The following CBARP variants were observed in gnomAD, a reference collection of about 807,000 sequenced individuals.
CBARP encodes the protein CACN subunit beta associated regulatory protein.
Under a neutral mutation model 36.3 loss-of-function variants are expected in CBARP, and 24 were observed. That is an observed-to-expected ratio of 0.66 (90% CI 0.48 to 0.93). The LOEUF (loss-of-function observed/expected upper bound fraction) is 0.93, where lower values mean the gene tolerates loss of function less well. Among genes scored for constraint, CBARP ranks in the 40% least tolerant of loss-of-function variants. The pLI, the probability that CBARP is intolerant of heterozygous loss-of-function variation, is 0.00. For missense variants in CBARP, 1,146 were observed against 980.4 expected (o/e 1.17, Z -2.26); for synonymous variants, 586 against 453.2 (o/e 1.29, Z -3.72).
intron 1 of CBARP, among the ~76,000 whole-genome samples, chr19:1,236,798 TG>T (rs1460026548): frequency 2.0e-5 from 2 of 98,864 alleles, no homozygotes; most frequent in Non-Finnish European, 4.0e-5. Context: ...AGGCCGCGGC[TG>T]GGGGGGCGGG....
intron 8 of CBARP, 89 bp downstream of exon 8, chr19:1,233,325 CACCCAGCCCACA>C: frequency 1.6e-6 from 2 of 1,219,682 alleles, no homozygotes; most frequent in Non-Finnish European, 2.3e-6. Flanking sequence ...ACCGGCTCCC[CACCCAGCCCACA>C]ACCTCCTGCT....
intron 8 of CBARP, 140 bp from the exon 9 acceptor site, chr19:1,231,415 C>G (rs1375850382): frequency 2.4e-6 from 3 of 1,274,452 alleles, no homozygotes; most frequent in Non-Finnish European, 3.1e-6. Flanking sequence ...TGGACCCCCA[C>G]CACACACACA....
Position 1,229,337 on chromosome 19 carries a change from C to A in CBARP, c.1960G>T (p.Gly654Cys). 1 of 1,216,614 alleles carries A rather than the reference C, an allele frequency of 8.2e-7. No homozygotes were observed. The highest frequency in any genetic ancestry group is 2.9e-5 in the Admixed American group (1 of 34,192). 75.4% of individuals were successfully genotyped at this position (1,216,614 alleles called of 1,614,324 possible). The stretch of plus-strand genomic sequence containing the variant: ...GATGGTAGGACGCACAGGCCCGAGC[C>A]GGGGCACCCCCCGCCGCCCGGCTCC... ...EEEPGGGGCP[G>C]SGLCVLPSGS... The change falls in exon 10 of 10, where the codon GGC becomes TGC. Residue 654 changes from glycine (G) to cysteine (C), a missense_variant. Coordinates refer to ENST00000650044, the MANE Select transcript of CBARP (RefSeq NM_001393918.1). The surrounding 1 kb of genome is among the most constrained non-coding windows in gnomAD (Gnocchi z 5.1).
At chr19:1,230,697 G>A (rs2080878202) in intron 9 of CBARP, 2 of 1,282,230 alleles carry the variant, frequency 1.6e-6, no homozygotes, top group South Asian at 5.5e-5. Context: ...CTTGGGTTGG[G>A]GGAGGGGTGC....
Position 1,234,698 on chromosome 19 carries a change from C to T in CBARP, c.500G>A (p.Arg167Gln). ...EGDFHHLKNA[R>Q]LTHLHLPPLK... is the part of the protein sequence containing the mutation. ...GGGCGGCAGGTGCAGGTGCGTGAGC[C>T]GGGCATTCTTCAGGTGGTGGAAGTC... The change falls in exon 6 of 10, where the codon CGG becomes CAG. Residue 167 changes from arginine to glutamine, a missense_variant. Coordinates refer to ENST00000650044, the MANE Select transcript of CBARP (RefSeq NM_001393918.1). The T allele has an allele frequency of 1.2e-6, 2 of 1,613,118 alleles. No homozygotes were observed. Among genetic ancestry groups the T allele is most frequent in the Non-Finnish European group, 1.7e-6 (2 of 1,179,748 alleles).
intron 8 of CBARP, 139 bp from the exon 9 acceptor site, chr19:1,231,414 A>G (rs1257121480): frequency 3.9e-6 from 4 of 1,033,526 alleles, no homozygotes; most frequent in Non-Finnish European, 5.1e-6. Flanking sequence ...GTGGACCCCC[A>G]CCACACACAC....
At chr19:1,235,439 C>T (rs1599950459) in intron 4 of CBARP, 62 bp downstream of exon 4, 19 of 1,480,440 alleles carry the variant, frequency 1.3e-5, no homozygotes, top group African/African-American at 2.8e-5. Context: ...CCCGAGGGGG[C>T]GGCGGGTGGC....
Position 1,235,842 on chromosome 19 carries a change from AC to A in CBARP, c.181del (p.Val61TrpfsTer95). ...GAGGAGCAGGACGCCAGACAACACC[AC>A]CAGCGTGCCCCCCACGAACAGCGAC... ...VMSLFVGGTL[V>X]VLSGVLLLCK... On this transcript the variant is annotated frameshift_variant, in exon 3 of 10. Transcript: ENST00000650044. LOFTEE classifies it high-confidence loss of function. The A allele has an allele frequency of 6.2e-7, 1 of 1,611,424 alleles. No individual in the cohort carries two copies. Among genetic ancestry groups the A allele is most frequent in the Non-Finnish European group, 8.5e-7 (1 of 1,179,906 alleles).
At position 1,235,571 on chromosome 19, in the gene CBARP, A is replaced by G. The variant is rs2080957809; in HGVS notation, c.246-6T>C. 1 of 1,607,478 alleles carries G rather than the reference A, an allele frequency of 6.2e-7. No homozygotes were observed. Among genetic ancestry groups the G allele is most frequent in the African/African-American group, 1.3e-5 (1 of 74,854 alleles). On this transcript the variant is annotated splice_polypyrimidine_tract_variant and splice_region_variant and intron_variant, in intron 3 of 9. Coordinates refer to ENST00000650044, the MANE Select transcript of CBARP (RefSeq NM_001393918.1). ...TCTCCGCTTCCTCCATGGCCCTGGG[A>G]GAGACGTTGGGAGAGCCCAGTGGCA...
rs1037045535 is a variant in CBARP at position 1,235,901 on chromosome 19, G to C, written c.123C>G (p.Ile41Met). The change falls in exon 3 of 10, where the codon ATC becomes ATG. Residue 41 changes from isoleucine (I) to methionine (M), a missense_variant. Coordinates refer to ENST00000650044, the MANE Select transcript of CBARP (RefSeq NM_001393918.1). ...TGRPTAEPDP[I>M]LDNYVLLVVV... is the part of the protein sequence containing the mutation. ...CCACCAGCAGCACGTAGTTGTCCAGGATGGGGTCTGGCTCTGCCTGCGGGT... is the reference window on the plus strand; with the variant it reads ...CCACCAGCAGCACGTAGTTGTCCAGCATGGGGTCTGGCTCTGCCTGCGGGT... The C allele has an allele frequency of 6.2e-7, 1 of 1,612,082 alleles. No homozygotes were observed. Among genetic ancestry groups the C allele is most frequent in the African/African-American group, 1.3e-5 (1 of 75,064 alleles).
At chr19:1,235,441 G>A (rs796076956) in intron 4 of CBARP, 60 bp downstream of exon 4, 2 of 1,490,724 alleles carry the variant, frequency 1.3e-6, no homozygotes, top group South Asian at 1.3e-5. Context: ...CGAGGGGGCG[G>A]CGGGTGGCCG....
chr19:1,235,771 C>T lies in CBARP; in HGVS notation c.245+8G>A. On this transcript the variant is annotated splice_region_variant and intron_variant, in intron 3 of 9. Coordinates refer to ENST00000650044, the MANE Select transcript of CBARP (RefSeq NM_001393918.1). Reference sequence around the variant, plus strand: ...TGCACCTGCCCAGCCGAGGTGGGGGCCTCGCACCTGTTGAGGCGCTGGTGG... The same window carrying T: ...TGCACCTGCCCAGCCGAGGTGGGGGTCTCGCACCTGTTGAGGCGCTGGTGG... 1 of 1,606,708 alleles carries T rather than the reference C, an allele frequency of 6.2e-7. No homozygotes were observed. The highest frequency in any genetic ancestry group is 8.5e-7 in the Non-Finnish European group (1 of 1,179,798).
chr19:1,233,125 C>T (rs2080915636), intron 8 of CBARP, among the ~76,000 whole-genome samples: 1 of 152,234 alleles, frequency 6.6e-6, no homozygotes, highest in South Asian at 2.1e-4. Context: ...CCCCGACACC[C>T]TCCTTTACCA....
chr19:1,234,479 AG>A, intron 6 of CBARP, 91 bp downstream of exon 6: 1 of 1,389,346 alleles, frequency 7.2e-7, no homozygotes, highest in Middle Eastern at 2.6e-4. Flanking sequence ...AGGGCCACCC[AG>A]AAAAAGAGTG....
In CBARP at chr19:1,229,381, GC is replaced by G; in HGVS notation, c.1915del (p.Ala639ProfsTer189). On this transcript the variant is annotated frameshift_variant, in exon 10 of 10. Coordinates refer to ENST00000650044, the MANE Select transcript of CBARP (RefSeq NM_001393918.1). LOFTEE classifies it low-confidence loss of function (END_TRUNC). The surrounding 1 kb of genome is among the most constrained non-coding windows in gnomAD (Gnocchi z 5.1). ...RTLGGAGDDPAIPVIEEEPGG... is the reference protein window; with the variant it reads ...RTLGGAGDDPXIPVIEEEPGG... ...CGGCTCCTCCTCGATGACGGGGATGGCGGGGTCGTCGCCGGCGCCGCCCAGG... is the reference window on the plus strand; with the variant it reads ...CGGCTCCTCCTCGATGACGGGGATGGGGGGTCGTCGCCGGCGCCGCCCAGG... 1 of 1,141,726 alleles carries G rather than the reference GC, an allele frequency of 8.8e-7. No individual in the cohort carries two copies. The highest frequency in any genetic ancestry group is 1.1e-6 in the Non-Finnish European group (1 of 913,944). The allele number at this position is 1,141,726 out of a possible 1,614,324, so 70.7% of individuals were successfully genotyped here.
At position 1,230,715 on chromosome 19, in the gene CBARP, C is replaced by T. The variant is rs547361500; in HGVS notation, c.1154+386G>A. ...GGGTTGGGGGAGGGGTGCTGCTGGC[C>T]GGAGTGGTCACAGCAGCTTCTGAGA... On this transcript the variant is annotated intron_variant, in intron 9 of 9. Transcript: ENST00000650044. The T allele has an allele frequency of 1.0e-5, 13 of 1,283,516 alleles. No individual in the cohort carries two copies. The African/African-American group carries it at 1.7e-4, about 17-fold the overall frequency. 79.5% of individuals were successfully genotyped at this position (1,283,516 alleles called of 1,614,324 possible).
chr19:1,233,288 A>C (rs531130779), intron 8 of CBARP, 138 bp downstream of exon 8: 3 of 899,350 alleles, frequency 3.3e-6, no homozygotes, highest in Admixed American at 2.9e-5. Context: ...GCCCGCTGGC[A>C]GACTGGGCAG....
chr19:1,237,576 C>A (rs1316104151), intron 1 of CBARP, among the ~76,000 whole-genome samples, 180 bp downstream of exon 1: 1 of 151,328 alleles, frequency 6.6e-6, no homozygotes, highest in Admixed American at 6.6e-5. Flanking sequence ...GAGGCTGGGG[C>A]GGGGCCTGAG....
rs1599948618 is a variant in CBARP, at chr19:1,234,675, G to A, written c.523C>T (p.Pro175Ser). Residue 175 changes from proline to serine, a missense_variant, in exon 6 of 10, where the codon CCC (proline) becomes TCC (serine). By Grantham distance (74) the Pro-to-Ser change is moderately conservative. Coordinates refer to ENST00000650044, the MANE Select transcript of CBARP (RefSeq NM_001393918.1). ...TCGTGGATGGTGACAATCTTGAGGGGCGGCAGGTGCAGGTGCGTGAGCCGG... is the reference window on the plus strand; with the variant it reads ...TCGTGGATGGTGACAATCTTGAGGGACGGCAGGTGCAGGTGCGTGAGCCGG... ...NARLTHLHLP[P>S]LKIVTIHECD... 6.2e-7 allele frequency: 1 copy of A among 1,612,808 alleles called. No individual in the cohort carries two copies. Among genetic ancestry groups the A allele is most frequent in the Non-Finnish European group, 8.5e-7 (1 of 1,179,692 alleles).
Sources: allele counts gnomAD v4.1 joint callset (sites outside exome capture counted in the v4.1 genomes callset), GRCh38; gene constraint gnomAD v4.1.1; non-coding constraint Gnocchi (gnomAD v3.1); transcripts MANE v1.5; gene names NCBI Gene and HGNC (gene_info 2026-07-23, HGNC 2026-07-21).